Variants in SLC9A2 observed in about 807,000 individuals in gnomAD.
The protein encoded by SLC9A2 is solute carrier family 9 member A2, also known as sodium/hydrogen exchanger 2.
Under a neutral mutation model 71.7 loss-of-function variants are expected in SLC9A2, and 42 were observed. The observed-to-expected ratio is 0.59, with a 90% CI of 0.46 to 0.76. SLC9A2 has a LOEUF of 0.76. SLC9A2 is among the 30% of genes least tolerant of loss of function. SLC9A2 has a pLI of 0.00. For synonymous variants in SLC9A2, 396 were observed against 392.5 expected, an observed-to-expected ratio of 1.01 and a Z score of -0.10; for missense variants, 829 against 1,017.4, an observed-to-expected ratio of 0.81 and a Z score of 2.52.
intron 1 of SLC9A2, among the ~76,000 whole-genome samples, chr2:102,648,845 A>C (rs941024096): frequency 6.6e-6 from 1 of 152,214 alleles, no homozygotes; most frequent in African/African-American, 2.4e-5. Context: ...GACACAAATA[A>C]ATGGAAAAAC....
intron 3 of SLC9A2, among the ~76,000 whole-genome samples, chr2:102,675,805 A>G (rs1677336689): frequency 6.6e-6 from 1 of 152,148 alleles, no homozygotes; most frequent in Non-Finnish European, 1.5e-5. Flanking sequence ...CTCCAATACA[A>G]TTTTAAATAA....
intron 10 of SLC9A2, among the ~76,000 whole-genome samples, chr2:102,705,560 T>C (rs1339003790): frequency 6.6e-6 from 1 of 152,180 alleles, no homozygotes; most frequent in Non-Finnish European, 1.5e-5. Flanking sequence ...CTTTTATACA[T>C]AGATGTTTCA....
In SLC9A2 at chr2:102,700,248, G is replaced by T. The variant is rs560537381; in HGVS notation, c.1587-822G>T. Among the ~76,000 whole-genome samples, 148 of 152,300 alleles carry T rather than the reference G, an allele frequency of 9.7e-4. 1 individual carries two copies. The highest frequency in any genetic ancestry group is 3.1e-3 in the African/African-American group (130 of 41,556). ...AGTAAGTAGCCAAAAGCTCATATCT[G>T]GGGTTTGGCCGAGAGGTTGGAGCTG... On this transcript the variant is annotated intron_variant, in intron 7 of 11. Coordinates refer to ENST00000233969, the MANE Select transcript of SLC9A2 (RefSeq NM_003048.6).
At chr2:102,692,493 A>G (rs1200665024) in intron 5 of SLC9A2, among the ~76,000 whole-genome samples, 2 of 152,158 alleles carry the variant, frequency 1.3e-5, no homozygotes, top group Admixed American at 1.3e-4. Flanking sequence ...CTTCCTATCC[A>G]TGTATCCTTC....
intron 3 of SLC9A2, among the ~76,000 whole-genome samples, chr2:102,675,706 A>C (rs1245128993): frequency 6.6e-6 from 1 of 152,222 alleles, no homozygotes; most frequent in Non-Finnish European, 1.5e-5. Context: ...CCAAGTCATA[A>C]AAATTGAGAG....
Position 102,704,560 on chromosome 2 carries a change from G to C in SLC9A2, c.1862G>C (p.Arg621Thr). 1.2e-6 allele frequency: 2 copies of C among 1,612,890 alleles called. No homozygotes were observed. Among genetic ancestry groups the C allele is most frequent in the Non-Finnish European group, 1.7e-6 (2 of 1,179,218 alleles). Residue 621 changes from arginine to threonine, a missense_variant, in exon 10 of 12, where the codon AGA becomes ACA. Around this residue, in one of 3 missense-constraint regions of SLC9A2, gnomAD observed 500 missense variants for 726.3 expected, o/e 0.69. Transcript: ENST00000233969. The part of the protein sequence containing the change: ...QIRQRTLSYN[R>T]HSLTADTSER... ...TCATTCCAGACTTTATCCTACAACA[G>C]ACACAGTCTGACAGCCGACACAAGT...
intron 2 of SLC9A2, among the ~76,000 whole-genome samples, chr2:102,661,852 T>G (rs1436108873): frequency 1.3e-5 from 2 of 152,226 alleles, no homozygotes; most frequent in Non-Finnish European, 2.9e-5. Context: ...ATACATAATA[T>G]ATACACATAA....
intron 1 of SLC9A2, among the ~76,000 whole-genome samples, chr2:102,631,739 C>T (rs1481421961): frequency 6.6e-6 from 1 of 151,526 alleles, no homozygotes; most frequent in Non-Finnish European, 1.5e-5. Context: ...ATAATGTATA[C>T]TTTCCTAGTT....
At chr2:102,633,124 G>A (rs1676406674) in intron 1 of SLC9A2, among the ~76,000 whole-genome samples, 1 of 152,170 alleles carries the variant, frequency 6.6e-6, no homozygotes, top group African/African-American at 2.4e-5. Context: ...ATTATTCTCT[G>A]TCAGGTATTT....
At chr2:102,646,674 A>T (rs1437605834) in intron 1 of SLC9A2, among the ~76,000 whole-genome samples, 1 of 151,882 alleles carries the variant, frequency 6.6e-6, no homozygotes, top group African/African-American at 2.4e-5. Context: ...TCTCTGATAA[A>T]ACAGACTTTA....
intron 1 of SLC9A2, among the ~76,000 whole-genome samples, chr2:102,651,390 C>G (rs1676831749): frequency 6.6e-6 from 1 of 152,204 alleles, no homozygotes; most frequent in African/African-American, 2.4e-5. Context: ...TTACCTTGTT[C>G]TGCTTCATTC....
Position 102,708,347 on chromosome 2 carries a change from C to T in SLC9A2, c.2297C>T (p.Pro766Leu), listed in dbSNP as rs762987413. 2.5e-6 allele frequency: 4 copies of T among 1,614,214 alleles called. No individual in the cohort carries two copies. The East Asian group carries it at 6.7e-5, about 27-fold the overall frequency. Residue 766 changes from proline (P) to leucine (L), a missense_variant, in exon 12 of 12, where the codon CCC becomes CTC. Transcript: ENST00000233969. ...GTQTSGLLQQ[P>L]LLSKDQSGSE... ...CAGACGTCAGGCTTACTACAGCAGC[C>T]CCTTCTCTCTAAAGACCAGTCTGGC...
rs541167870 is a variant in SLC9A2 at position 102,710,826 on chromosome 2, A to C, written c.*2337A>C. ...GTAAAGGCTTTCGTTCGTCCAAACA[A>C]CACTTGATCCAACCAAAGTTCCAAT... On this transcript the variant is annotated 3_prime_UTR_variant, in exon 12 of 12. Coordinates refer to ENST00000233969, the MANE Select transcript of SLC9A2 (RefSeq NM_003048.6). 12 of 152,478 alleles carry C rather than the reference A, an allele frequency of 7.9e-5. No individual in the cohort carries two copies. In the South Asian group the frequency reaches 2.1e-3, roughly 26 times the overall value. The allele number at this position is 152,478 out of a possible 1,614,324, so 9.4% of individuals were successfully genotyped here.
intron 1 of SLC9A2, among the ~76,000 whole-genome samples, chr2:102,641,443 G>T (rs901146342): frequency 6.6e-6 from 1 of 151,494 alleles, no homozygotes; most frequent in Non-Finnish European, 1.5e-5. Flanking sequence ...GGCCACCTTT[G>T]TCCCCACTCT....
chr2:102,699,935 G>T (rs1677842261), intron 7 of SLC9A2, among the ~76,000 whole-genome samples: 1 of 151,920 alleles, frequency 6.6e-6, no homozygotes, highest in Admixed American at 6.6e-5. Context: ...TTTGGATTTG[G>T]GCCCATTTTG....
intron 1 of SLC9A2, among the ~76,000 whole-genome samples, chr2:102,655,054 A>ATTAG (rs1260229358): frequency 6.6e-6 from 1 of 152,218 alleles, no homozygotes; most frequent in African/African-American, 2.4e-5. Context: ...AGTCCTAGAC[A>ATTAG]TTAGTGTACA....
At chr2:102,627,764 A>C (rs186535253) in intron 1 of SLC9A2, among the ~76,000 whole-genome samples, 2 of 152,168 alleles carry the variant, frequency 1.3e-5, no homozygotes, top group Admixed American at 6.5e-5. Flanking sequence ...TTATTTATTT[A>C]ATTAATCCTT....
chr2:102,648,053 A>G (rs1475644710), intron 1 of SLC9A2, among the ~76,000 whole-genome samples: 2 of 152,234 alleles, frequency 1.3e-5, no homozygotes, highest in Non-Finnish European at 2.9e-5. Flanking sequence ...AGAAAATTTC[A>G]GGTCAATATC....
chr2:102,650,469 T>C (rs1676810852), intron 1 of SLC9A2, among the ~76,000 whole-genome samples: 1 of 152,234 alleles, frequency 6.6e-6, no homozygotes, highest in Non-Finnish European at 1.5e-5. Flanking sequence ...TCTGCACATG[T>C]ATCCCGGAAA....
Sources: allele counts gnomAD v4.1 joint callset (sites outside exome capture counted in the v4.1 genomes callset), GRCh38; gene constraint gnomAD v4.1.1; regional missense constraint gnomAD v4.1.1; transcripts MANE v1.5; gene names NCBI Gene and HGNC (gene_info 2026-07-23, HGNC 2026-07-21).